ASTN2: variants seen among roughly 807,000 people sequenced by gnomAD.
ASTN2 encodes astrotactin 2.
ASTN2 carries 54 observed loss-of-function variants against 139.8 expected under a neutral mutation model. The ratio of observed to expected loss-of-function variants is 0.39; its 90% confidence interval spans 0.31 to 0.48. The LOEUF is 0.48. Among genes scored for constraint, ASTN2 ranks in the 20% least tolerant of loss-of-function variants. ASTN2 has a pLI of 0.95. For synonymous variants in ASTN2, 756 were observed against 719.5 expected (o/e 1.05, Z -0.81); for missense variants, 1,565 against 1,725.1 (o/e 0.91, Z 1.64).
At chr9:117,254,993 T>A (rs565683066) in intron 2 of ASTN2, among the ~76,000 whole-genome samples, 1 of 152,238 alleles carries the variant, frequency 6.6e-6, no homozygotes, top group Non-Finnish European at 1.5e-5. Context: ...TTCCAGTTAG[T>A]TGCAGCGAAG....
chr9:117,241,440 C>G (rs189713875), intron 2 of ASTN2, among the ~76,000 whole-genome samples: 4 of 152,248 alleles, frequency 2.6e-5, no homozygotes, highest in Admixed American at 2.6e-4. Context: ...CTTTTTGGCA[C>G]CAGGCACTGG....
At chr9:116,700,754 C>T (rs1861129873) in intron 16 of ASTN2, 1 of 166,948 alleles carries the variant, frequency 6.0e-6, no homozygotes, top group African/African-American at 2.4e-5. Flanking sequence ...TTCTTCATCT[C>T]TGGTGTTCAT....
At chr9:117,274,721 A>T (rs1180065799) in intron 2 of ASTN2, among the ~76,000 whole-genome samples, 1 of 152,224 alleles carries the variant, frequency 6.6e-6, no homozygotes, top group Non-Finnish European at 1.5e-5. Flanking sequence ...TCACTCCATC[A>T]CTGTAAGGTT....
intron 10 of ASTN2, among the ~76,000 whole-genome samples, chr9:116,873,690 G>A (rs1297437716): frequency 2.6e-5 from 4 of 152,186 alleles, no homozygotes; most frequent in African/African-American, 9.7e-5. Flanking sequence ...AATCCTCAAT[G>A]TTGGAGGAGG....
intron 1 of ASTN2, among the ~76,000 whole-genome samples, chr9:117,312,533 T>C (rs1423679945): frequency 1.3e-5 from 2 of 152,214 alleles, no homozygotes; most frequent in Non-Finnish European, 2.9e-5. Flanking sequence ...CATTATGCTA[T>C]TGAAGTTTCC....
intron 1 of ASTN2, among the ~76,000 whole-genome samples, chr9:117,358,427 C>A (rs1193815130): frequency 6.6e-6 from 1 of 152,052 alleles, no homozygotes; most frequent in African/African-American, 2.4e-5. Flanking sequence ...ATTACAAATA[C>A]CTTAGTCCTA....
chr9:117,008,067 C>A, intron 7 of ASTN2, 25 bp downstream of exon 7: 4 of 1,556,592 alleles, frequency 2.6e-6, no homozygotes, highest in Non-Finnish European at 3.5e-6. Context: ...CACCTTCTAT[C>A]CCCATCCCGG....
chr9:117,370,028 T>C (rs556526518), intron 1 of ASTN2, among the ~76,000 whole-genome samples: 2 of 152,116 alleles, frequency 1.3e-5, no homozygotes, highest in South Asian at 4.2e-4. Flanking sequence ...TGGCCCTAAG[T>C]CCAGGTATAT....
At chr9:117,279,231 A>T (rs781661084) in intron 2 of ASTN2, among the ~76,000 whole-genome samples, 1 of 152,124 alleles carries the variant, frequency 6.6e-6, no homozygotes, top group Non-Finnish European at 1.5e-5. Context: ...CTTGCCCCCT[A>T]TAAGAAAGGA....
intron 1 of ASTN2, among the ~76,000 whole-genome samples, chr9:117,404,811 G>A (rs1243006209): frequency 6.6e-6 from 1 of 151,918 alleles, no homozygotes; most frequent in Non-Finnish European, 1.5e-5. Flanking sequence ...CAGAGCATGA[G>A]GTGACAACTC....
At position 116,442,755 on chromosome 9, in the gene ASTN2, AC is replaced by A. The variant is rs1847876695; in HGVS notation, c.3498-203del. Among the ~76,000 whole-genome samples the A allele has an allele frequency of 2.6e-5, 4 of 152,192 alleles. No individual in the cohort carries two copies. The South Asian group carries it at 8.3e-4, about 32-fold the overall frequency. On this transcript the variant is annotated intron_variant, in intron 20 of 22. Coordinates refer to ENST00000313400, the MANE Select transcript of ASTN2 (RefSeq NM_001365068.1). ...TCTTAAAAGGGAGGGATTTATTGTC[AC>A]CCACATCTTGTCAATGAGGACACTG... is the stretch of plus-strand genomic sequence containing the variant.
At chr9:117,105,454 A>G (rs1829079750) in intron 4 of ASTN2, among the ~76,000 whole-genome samples, 3 of 152,074 alleles carry the variant, frequency 2.0e-5, no homozygotes, top group African/African-American at 7.2e-5. Flanking sequence ...CTTCTAGTTG[A>G]TTCTACCCTC....
At chr9:117,144,464 A>G (rs938071830) in intron 3 of ASTN2, among the ~76,000 whole-genome samples, 3 of 152,106 alleles carry the variant, frequency 2.0e-5, no homozygotes, top group Admixed American at 1.3e-4. Flanking sequence ...ATGCAGCCCA[A>G]TGCAAATTCA....
At chr9:116,681,304 A>T (rs1047481150) in intron 16 of ASTN2, among the ~76,000 whole-genome samples, 4 of 152,198 alleles carry the variant, frequency 2.6e-5, no homozygotes, top group Non-Finnish European at 4.4e-5. Flanking sequence ...ATACCTAAGA[A>T]TCCAACTTAC....
At chr9:117,149,793 C>G (rs1351859500) in intron 3 of ASTN2, among the ~76,000 whole-genome samples, 4 of 152,094 alleles carry the variant, frequency 2.6e-5, no homozygotes, top group African/African-American at 9.7e-5. Flanking sequence ...ATTTAAAACC[C>G]AAGCACACAT....
intron 19 of ASTN2, among the ~76,000 whole-genome samples, chr9:116,614,803 A>G (rs1052358610): frequency 1.3e-5 from 2 of 152,210 alleles, no homozygotes; most frequent in South Asian, 2.1e-4. Flanking sequence ...CATTCAGGCC[A>G]TAGGCATGGG....
intron 4 of ASTN2, among the ~76,000 whole-genome samples, chr9:117,105,415 C>T (rs1281811396): frequency 6.6e-6 from 1 of 152,128 alleles, no homozygotes; most frequent in Non-Finnish European, 1.5e-5. Flanking sequence ...CATCCCACCC[C>T]ATCCCAGGTG....
intron 16 of ASTN2, among the ~76,000 whole-genome samples, chr9:116,664,593 GCTTT>G: frequency 6.6e-6 from 1 of 150,848 alleles, no homozygotes; most frequent in East Asian, 1.9e-4. Flanking sequence ...ATAAGTTTTA[GCTTT>G]GCACCACACA....
At chr9:117,201,503 G>A (rs1831718161) in intron 3 of ASTN2, among the ~76,000 whole-genome samples, 1 of 152,224 alleles carries the variant, frequency 6.6e-6, no homozygotes, top group Admixed American at 6.5e-5. Flanking sequence ...TCTTAACACT[G>A]CTTTAGCTGT....
Sources: allele counts gnomAD v4.1 joint callset (sites outside exome capture counted in the v4.1 genomes callset), GRCh38; gene constraint gnomAD v4.1.1; transcripts MANE v1.5; gene names NCBI Gene and HGNC (gene_info 2026-07-23, HGNC 2026-07-21).